The following PTPRT variants were observed in gnomAD, a reference collection of about 807,000 sequenced individuals.
PTPRT encodes protein tyrosine phosphatase receptor type T.
In PTPRT, 56 loss-of-function variants were observed where a neutral mutation model predicts 176.8. The observed-to-expected ratio is 0.32, with a 90% CI of 0.26 to 0.40. The LOEUF (loss-of-function observed/expected upper bound fraction) is 0.40, where lower values mean the gene tolerates loss of function less well. Among genes scored for constraint, PTPRT ranks in the 10% least tolerant of loss-of-function variants. PTPRT has a pLI of 1.00. For synonymous variants in PTPRT, 783 were observed against 739.0 expected (o/e 1.06, Z -0.96); for missense variants, 1,540 against 1,908.2 (o/e 0.81, Z 3.60).
chr20:42,690,119 C>A (rs1205251683), intron 6 of PTPRT, among the ~76,000 whole-genome samples: 2 of 152,004 alleles, frequency 1.3e-5, no homozygotes, highest in African/African-American at 4.8e-5. Context: ...AAAGACAAGA[C>A]TGGGTCATGC....
In PTPRT at chr20:42,148,255, C is replaced by G. The variant is rs1301137102; in HGVS notation, c.2683-6253G>C. Among the ~76,000 whole-genome samples the G allele has an allele frequency of 2.1e-5, 3 of 140,542 alleles. No individual in the cohort carries two copies. In the South Asian group the frequency reaches 6.7e-4, roughly 31 times the overall value. The allele number at this position is 140,542 out of a possible 152,430, so 92.2% of individuals were successfully genotyped here. A position where few individuals can be genotyped will look rare whatever the true frequency, so the allele number is the denominator to read the frequency against. On this transcript the variant is annotated intron_variant, in intron 17 of 30. Coordinates refer to ENST00000373187, the MANE Select transcript of PTPRT (RefSeq NM_007050.6). ...CTTCAACAGTGTTGTTTTTCCAAGG[C>G]AGTCATTTTTTTTTTTTTTTTTTTT...
At chr20:42,168,004 T>C (rs1337832419) in intron 16 of PTPRT, among the ~76,000 whole-genome samples, 1 of 152,212 alleles carries the variant, frequency 6.6e-6, no homozygotes, top group African/African-American at 2.4e-5. Context: ...TTGTATGTTA[T>C]ATGTGTTATA....
chr20:43,113,881 GA>G (rs1362279045), intron 1 of PTPRT, among the ~76,000 whole-genome samples: 1 of 152,158 alleles, frequency 6.6e-6, no homozygotes, highest in African/African-American at 2.4e-5. Flanking sequence ...TTTGTGTATA[GA>G]ATTTCTACTG....
chr20:42,054,775 C>T, the PTPRT span, among the ~76,000 whole-genome samples: 1 of 152,210 alleles, frequency 6.6e-6, no homozygotes, highest in Non-Finnish European at 1.5e-5. Flanking sequence ...TCAGGGCTCA[C>T]TCAACTGATA....
chr20:42,386,252 C>T (rs189762847), intron 9 of PTPRT, among the ~76,000 whole-genome samples: 1 of 152,108 alleles, frequency 6.6e-6, no homozygotes, highest in Non-Finnish European at 1.5e-5. Flanking sequence ...ATTTTAGAAA[C>T]CCGTGGGACT....
At chr20:42,421,252 A>G (rs555132425) in intron 9 of PTPRT, among the ~76,000 whole-genome samples, 233 of 140,638 alleles carry the variant, frequency 1.7e-3, no homozygotes, top group Middle Eastern at 0.011. Flanking sequence ...ACATACACAC[A>G]CACGCACGCA....
At chr20:42,160,524 G>C (rs923318174) in intron 17 of PTPRT, among the ~76,000 whole-genome samples, 6 of 151,670 alleles carry the variant, frequency 4.0e-5, no homozygotes, top group African/African-American at 1.5e-4. Context: ...TCTGGATGCT[G>C]AGGGGTGGGG....
In PTPRT at chr20:42,219,454, T is replaced by C. The variant is rs570090392; in HGVS notation, c.2342+16775A>G. On this transcript the variant is annotated intron_variant, in intron 15 of 30. Transcript: ENST00000373187. The stretch of plus-strand genomic sequence containing the variant: ...CCCCTGCGCCTTTCTAGATAGGGGG[T>C]TGTCCATTCTTCTGTGATAGGAGGC... Among the ~76,000 whole-genome samples the C allele has an allele frequency of 2.6e-5, 4 of 151,900 alleles. No individual in the cohort carries two copies. The East Asian group carries it at 5.8e-4, about 22-fold the overall frequency.
intron 1 of PTPRT, among the ~76,000 whole-genome samples, chr20:42,921,758 G>C (rs1226791318): frequency 1.3e-5 from 2 of 152,072 alleles, no homozygotes; most frequent in Admixed American, 6.6e-5. Flanking sequence ...CTCCAATCAG[G>C]GTCTTGCTGC....
chr20:43,139,976 G>A (rs1320387940), intron 1 of PTPRT, among the ~76,000 whole-genome samples: 1 of 152,148 alleles, frequency 6.6e-6, no homozygotes, highest in Non-Finnish European at 1.5e-5. Flanking sequence ...TAATCCAGAA[G>A]TACAGTGAAA....
intron 26 of PTPRT, among the ~76,000 whole-genome samples, chr20:42,099,956 C>T (rs1985765574): frequency 6.6e-6 from 1 of 152,198 alleles, no homozygotes; most frequent in East Asian, 1.9e-4. Context: ...GAGCCATTTC[C>T]AGACATGGAA....
chr20:43,111,872 T>A (rs1005278795), intron 1 of PTPRT, among the ~76,000 whole-genome samples: 3 of 152,204 alleles, frequency 2.0e-5, no homozygotes, highest in African/African-American at 7.2e-5. Context: ...CAGACTTTCA[T>A]GTTTAGCAGA....
chr20:43,112,917 A>G (rs1023722237), intron 1 of PTPRT, among the ~76,000 whole-genome samples: 4 of 151,742 alleles, frequency 2.6e-5, no homozygotes, highest in Non-Finnish European at 4.4e-5. Context: ...TTTGCGTGTA[A>G]CTCATTCATG....
intron 15 of PTPRT, among the ~76,000 whole-genome samples, chr20:42,229,318 AC>A (rs1268099695): frequency 4.6e-5 from 7 of 152,238 alleles, no homozygotes; most frequent in African/African-American, 1.7e-4. Context: ...GCTAGTAACC[AC>A]TTTAGTCTTG....
At chr20:42,340,265 C>A (rs2058093695) in intron 11 of PTPRT, among the ~76,000 whole-genome samples, 1 of 152,024 alleles carries the variant, frequency 6.6e-6, no homozygotes, top group Non-Finnish European at 1.5e-5. Flanking sequence ...AAAGTCTAGC[C>A]CTCGATTCTT....
intron 1 of PTPRT, among the ~76,000 whole-genome samples, chr20:42,950,378 G>C (rs533840759): frequency 3.3e-4 from 50 of 152,234 alleles, no homozygotes; most frequent in African/African-American, 1.2e-3. Context: ...CTTTATTTTT[G>C]AGCATCTCAA....
chr20:42,916,437 G>C (rs1364133715), intron 1 of PTPRT, among the ~76,000 whole-genome samples: 1 of 152,128 alleles, frequency 6.6e-6, no homozygotes, highest in East Asian at 1.9e-4. Context: ...ATGTGCATGT[G>C]TCTTTATAGC....
intron 12 of PTPRT, among the ~76,000 whole-genome samples, chr20:42,311,866 T>C (rs536403221): frequency 5.0e-4 from 76 of 152,366 alleles, no homozygotes; most frequent in African/African-American, 1.7e-3. Context: ...AGAACTATAC[T>C]TTTTAGTATT....
intron 7 of PTPRT, among the ~76,000 whole-genome samples, chr20:42,574,525 A>G (rs2073221968): frequency 6.6e-6 from 1 of 152,140 alleles, no homozygotes; most frequent in Non-Finnish European, 1.5e-5. Context: ...GAGACAGTGC[A>G]CCCAATGTCC....
Sources: allele counts gnomAD v4.1 joint callset (sites outside exome capture counted in the v4.1 genomes callset), GRCh38; gene constraint gnomAD v4.1.1; transcripts MANE v1.5; gene names NCBI Gene and HGNC (gene_info 2026-07-23, HGNC 2026-07-21).